The following CCDC91 variants were observed in gnomAD, a reference collection of about 807,000 sequenced individuals.
CCDC91 encodes the protein coiled-coil domain-containing protein 91.
CCDC91 carries 48 observed loss-of-function variants against 63.2 expected under a neutral mutation model. The observed-to-expected ratio is 0.76, with a 90% CI of 0.60 to 0.97. The LOEUF (loss-of-function observed/expected upper bound fraction) is 0.97. Ranked by LOEUF, CCDC91 falls within the 50% of genes least tolerant of loss-of-function variation. The pLI, the probability that CCDC91 is intolerant of heterozygous loss-of-function variation, is 0.00. For missense variants in CCDC91, 500 were observed against 494.6 expected, an observed-to-expected ratio of 1.01 and a Z score of -0.10; for synonymous variants, 167 against 165.8, an observed-to-expected ratio of 1.01 and a Z score of -0.06.
At chr12:28,201,669 A>C (rs34271096) in intron 1 of CCDC91, among the ~76,000 whole-genome samples, 1 of 145,530 alleles carries the variant, frequency 6.9e-6, no homozygotes, top group Admixed American at 6.8e-5. Context: ...TGGGAGGCCA[A>C]GGCAGGCGGC....
At chr12:28,266,276 G>A (rs140745458) in intron 3 of CCDC91, among the ~76,000 whole-genome samples, 3,194 of 152,064 alleles carry the variant, frequency 0.021, 44 homozygotes, top group Non-Finnish European at 0.032. Context: ...TCAAATATCC[G>A]TGTTGTGGAG....
At chr12:28,311,521 G>A (rs1384824972) in intron 6 of CCDC91, among the ~76,000 whole-genome samples, 1 of 152,008 alleles carries the variant, frequency 6.6e-6, no homozygotes, top group African/African-American at 2.4e-5. Context: ...TCGGCCTTTT[G>A]TGACAGAGGT....
chr12:28,203,142 GCT>G (rs1942591037), intron 1 of CCDC91, among the ~76,000 whole-genome samples: 1 of 152,072 alleles, frequency 6.6e-6, no homozygotes. Context: ...AGTTTTCAAG[GCT>G]CTCATGGTAC....
At chr12:28,349,340 T>A (rs1348560521) in intron 6 of CCDC91, among the ~76,000 whole-genome samples, 1 of 152,272 alleles carries the variant, frequency 6.6e-6, no homozygotes, top group East Asian at 1.9e-4. Flanking sequence ...GTTTGGAAGC[T>A]CTATGCTGAC....
intron 1 of CCDC91, among the ~76,000 whole-genome samples, chr12:28,215,170 A>G (rs1158945673): frequency 3.3e-5 from 5 of 152,116 alleles, no homozygotes; most frequent in African/African-American, 9.7e-5. Context: ...AACTTACACT[A>G]TTGGCTTTTC....
chr12:28,240,831 A>G (rs1592079898), intron 1 of CCDC91, among the ~76,000 whole-genome samples: 1 of 152,194 alleles, frequency 6.6e-6, no homozygotes, highest in East Asian at 1.9e-4. Flanking sequence ...ATGAACAATC[A>G]TGTACTGATT....
At chr12:28,362,280 TTA>T (rs71438746) in intron 6 of CCDC91, among the ~76,000 whole-genome samples, 156 bp from the exon 7 acceptor site, 10 of 131,814 alleles carry the variant, frequency 7.6e-5, no homozygotes, top group Admixed American at 1.5e-4. Context: ...AAGCAAAGCT[TTA>T]TATATATATA....
At chr12:28,424,272 C>G (rs947477089) in intron 8 of CCDC91, among the ~76,000 whole-genome samples, 4 of 152,052 alleles carry the variant, frequency 2.6e-5, no homozygotes, top group Non-Finnish European at 5.9e-5. Context: ...CTTTGTGAAA[C>G]CTAATTTTTC....
At chr12:28,386,339 C>G (rs1324016996) in intron 7 of CCDC91, among the ~76,000 whole-genome samples, 1 of 152,074 alleles carries the variant, frequency 6.6e-6, no homozygotes, top group Non-Finnish European at 1.5e-5. Flanking sequence ...ATTAAGAGAC[C>G]TACAAATTTT....
At chr12:28,246,122 AAGTT>A (rs780856506) in intron 1 of CCDC91, among the ~76,000 whole-genome samples, 33 of 152,172 alleles carry the variant, frequency 2.2e-4, no homozygotes, top group Non-Finnish European at 3.8e-4. Flanking sequence ...TCATAAGAAA[AAGTT>A]AGGTCCCCCA....
chr12:28,247,932 G>A (rs1435052678), intron 1 of CCDC91, among the ~76,000 whole-genome samples: 1 of 152,166 alleles, frequency 6.6e-6, no homozygotes, highest in Non-Finnish European at 1.5e-5. Context: ...GCTCCTTTGA[G>A]AATCTAATGC....
chr12:28,241,484 A>T (rs1161555649), intron 1 of CCDC91, among the ~76,000 whole-genome samples: 1 of 152,152 alleles, frequency 6.6e-6, no homozygotes, highest in Non-Finnish European at 1.5e-5. Context: ...GGATATGAGT[A>T]GCTAATCATT....
chr12:28,479,633 A>C (rs1226787704), intron 11 of CCDC91, among the ~76,000 whole-genome samples: 1 of 151,980 alleles, frequency 6.6e-6, no homozygotes, highest in East Asian at 1.9e-4. Context: ...TAAAAAAAAT[A>C]AATGAAACTG....
intron 1 of CCDC91, among the ~76,000 whole-genome samples, chr12:28,245,434 C>A (rs1945665256): frequency 1.3e-5 from 2 of 151,766 alleles, no homozygotes; most frequent in Admixed American, 1.3e-4. Flanking sequence ...AGGTATATAC[C>A]TTTTATAGAT....
intron 12 of CCDC91, among the ~76,000 whole-genome samples, chr12:28,528,883 T>A (rs1941504733): frequency 6.6e-6 from 1 of 152,192 alleles, no homozygotes; most frequent in Non-Finnish European, 1.5e-5. Flanking sequence ...TTAAATGAAC[T>A]ATGTTACTGT....
At chr12:28,442,102 T>C (rs895319004) in intron 8 of CCDC91, among the ~76,000 whole-genome samples, 4 of 152,130 alleles carry the variant, frequency 2.6e-5, no homozygotes, top group African/African-American at 7.2e-5. Context: ...TTACTATCTA[T>C]ATGTTCAAAG....
At chr12:28,191,015 G>C (rs1941183970) in intron 1 of CCDC91, among the ~76,000 whole-genome samples, 1 of 152,238 alleles carries the variant, frequency 6.6e-6, no homozygotes, top group Admixed American at 6.5e-5. Context: ...AACGCGCCTG[G>C]TTTATGTATC....
chr12:28,333,396 G>GAAAAA (rs1217580461), intron 6 of CCDC91, among the ~76,000 whole-genome samples: 3 of 89,098 alleles, frequency 3.4e-5, no homozygotes, highest in Admixed American at 1.3e-4. Context: ...CTCCATCTCA[G>GAAAAA]AAAAAAAAAA....
At chr12:28,447,580 G>T (rs1278844934) in intron 8 of CCDC91, among the ~76,000 whole-genome samples, 1 of 149,678 alleles carries the variant, frequency 6.7e-6, no homozygotes, top group South Asian at 2.1e-4. Context: ...GGCTGGGCAC[G>T]GCGGCTCATC....
Sources: gnomAD v4.1 joint callset for allele counts (sites outside exome capture counted in the v4.1 genomes callset) on GRCh38, gnomAD v4.1.1 for gene constraint, MANE v1.5 for transcripts, NCBI Gene and HGNC (gene_info 2026-07-23, HGNC 2026-07-21) for gene names.